Variants in WNT2B observed in about 807,000 individuals in gnomAD.
WNT2B encodes the protein protein Wnt-2b.
A neutral mutation model predicts 40.5 loss-of-function variants in WNT2B; 19 were observed. That is an observed-to-expected ratio of 0.47 (90% CI 0.33 to 0.69). The LOEUF (loss-of-function observed/expected upper bound fraction) is 0.69. WNT2B is among the 30% of genes least tolerant of loss of function. WNT2B has a pLI of 0.02. For missense variants in WNT2B, 467 were observed against 556.4 expected (o/e 0.84, Z 1.62); for synonymous variants, 220 against 211.9 (o/e 1.04, Z -0.33).
At chr1:112,474,404 T>C (rs1650994091) in intron 1 of WNT2B, among the ~76,000 whole-genome samples, 1 of 152,074 alleles carries the variant, frequency 6.6e-6, no homozygotes, top group Non-Finnish European at 1.5e-5. Context: ...TGCCTCCGCC[T>C]CCCAAAGGGC....
chr1:112,521,509 G>C lies in WNT2B; in HGVS notation c.*1000G>C, dbSNP rs1230765283. On this transcript the variant is annotated 3_prime_UTR_variant, in exon 5 of 5. Coordinates refer to ENST00000369684, the MANE Select transcript of WNT2B (RefSeq NM_024494.3). ...AGGCAGGTAGGGATCTCTGGCTTTG[G>C]TAATTCTTTATGAGAGGATCCTAGC... 6.6e-6 allele frequency: 1 copy of C among 152,214 alleles called. No individual in the cohort carries two copies. The highest frequency in any genetic ancestry group is 1.5e-5 in the Non-Finnish European group (1 of 68,024). The allele number at this position is 152,214 out of a possible 1,614,324, so 9.4% of individuals were successfully genotyped here.
chr1:112,511,384 C>T (rs1652344398), intron 1 of WNT2B, among the ~76,000 whole-genome samples: 1 of 152,116 alleles, frequency 6.6e-6, no homozygotes, highest in Non-Finnish European at 1.5e-5. Flanking sequence ...GCTACAGGCC[C>T]AGATGCCTGC....
At chr1:112,483,660 A>G (rs971790) in intron 1 of WNT2B, among the ~76,000 whole-genome samples, 66,008 of 151,414 alleles carry the variant, frequency 0.44, 16,052 homozygotes, top group South Asian at 0.61. Flanking sequence ...GCTTCTGCAC[A>G]GCAAAGGAAA....
At chr1:112,488,399 A>T (rs1487790341) in intron 1 of WNT2B, among the ~76,000 whole-genome samples, 2 of 150,586 alleles carry the variant, frequency 1.3e-5, no homozygotes, top group Non-Finnish European at 3.0e-5. Flanking sequence ...GAGTCACATG[A>T]CAGGCAGTCA....
At chr1:112,507,412 C>G (rs143808747), upstream of WNT2B, among the ~76,000 whole-genome samples, 1 of 152,178 alleles carries the variant, frequency 6.6e-6, no homozygotes, top group Non-Finnish European at 1.5e-5. Flanking sequence ...GCACTCATCA[C>G]CTTACCACAG....
chr1:112,481,288 T>TA (rs1651217269), intron 1 of WNT2B, among the ~76,000 whole-genome samples: 1 of 152,178 alleles, frequency 6.6e-6, no homozygotes, highest in African/African-American at 2.4e-5. Context: ...ATCAATGTGA[T>TA]ACAACATATT....
At chr1:112,513,415 C>T (rs528138442) in intron 1 of WNT2B, among the ~76,000 whole-genome samples, 1 of 152,200 alleles carries the variant, frequency 6.6e-6, no homozygotes. Context: ...ACCCCTTCCC[C>T]GGGACAGATG....
chr1:112,517,524 C>G, intron 4 of WNT2B, 139 bp downstream of exon 4: 1 of 1,137,006 alleles, frequency 8.8e-7, no homozygotes, highest in Non-Finnish European at 1.2e-6. Flanking sequence ...ACATGAACAC[C>G]TGGTCATGAG....
chr1:112,513,366 T>G (rs1238708255), intron 1 of WNT2B, among the ~76,000 whole-genome samples: 1 of 152,244 alleles, frequency 6.6e-6, no homozygotes, highest in East Asian at 1.9e-4. Flanking sequence ...CTGGGGATGC[T>G]GATTCCATGG....
Position 112,526,101 on chromosome 1 carries a change from A to G in WNT2B, c.*5592A>G. 1 of 1,614,186 alleles carries G rather than the reference A, an allele frequency of 6.2e-7. No individual in the cohort carries two copies. The highest frequency in any genetic ancestry group is 1.1e-5 in the South Asian group (1 of 91,084). ...GGATGCCCAGGGTTGGGGGCACCAGAGTCCCAGCACCTTCAAAACAGAAAT... is the reference window on the plus strand; with the variant it reads ...GGATGCCCAGGGTTGGGGGCACCAGGGTCCCAGCACCTTCAAAACAGAAAT... On this transcript the variant is annotated 3_prime_UTR_variant, in exon 5 of 5. Transcript: ENST00000369684.
chr1:112,472,026 A>G (rs1466138407), intron 1 of WNT2B, among the ~76,000 whole-genome samples: 1 of 152,258 alleles, frequency 6.6e-6, no homozygotes, highest in East Asian at 1.9e-4. Context: ...TGACTTCAAA[A>G]TAGAGTAACA....
chr1:112,500,153 T>G (rs534178525), intron 1 of WNT2B, among the ~76,000 whole-genome samples: 130 of 152,266 alleles, frequency 8.5e-4, no homozygotes, highest in African/African-American at 3.1e-3. Flanking sequence ...CTCCAAGAGG[T>G]TCATAGTAAT....
chr1:112,504,647 T>C (rs1457430214), upstream of WNT2B, among the ~76,000 whole-genome samples: 1 of 152,136 alleles, frequency 6.6e-6, no homozygotes, highest in Non-Finnish European at 1.5e-5. Flanking sequence ...GAGGCATTAG[T>C]TACCTGTGTG....
At position 112,517,203 on chromosome 1, in the gene WNT2B, T is replaced by C. The variant is rs1239591660; in HGVS notation, c.764T>C (p.Leu255Pro). The change falls in exon 4 of 5, where the codon CTC (leucine) becomes CCC (proline). Residue 255 changes from leucine to proline, a missense_variant. Leu to Pro is a moderately conservative substitution (Grantham distance 98). Coordinates refer to ENST00000369684, the MANE Select transcript of WNT2B (RefSeq NM_024494.3). ...ACTCTGCGCACCTGCTGGCGTGCAC[T>C]CTCAGATTTCCGCCGCACAGGTGAT... ...SCTLRTCWRA[L>P]SDFRRTGDYL... The C allele has an allele frequency of 6.2e-7, 1 of 1,614,174 alleles. No homozygotes were observed. Among genetic ancestry groups the C allele is most frequent in the South Asian group, 1.1e-5 (1 of 91,080 alleles).
intron 1 of WNT2B, among the ~76,000 whole-genome samples, chr1:112,468,288 A>G (rs1465368326): frequency 2.0e-5 from 3 of 152,160 alleles, no homozygotes; most frequent in Non-Finnish European, 4.4e-5. Context: ...TCCCTTTGAT[A>G]TACTATTTAT....
At chr1:112,476,835 C>T (rs1651068487) in intron 1 of WNT2B, among the ~76,000 whole-genome samples, 1 of 152,180 alleles carries the variant, frequency 6.6e-6, no homozygotes, top group African/African-American at 2.4e-5. Flanking sequence ...ATTACCAACT[C>T]ACCGTCTCAC....
chr1:112,475,343 A>G lies in WNT2B; in HGVS notation c.-95+7752A>G, dbSNP rs149619634. On this transcript the variant is annotated intron_variant, in intron 1 of 4. Transcript: ENST00000256640. ...AAAGGAAGTAGTTCAGGCAAAATAA[A>G]ACTAATAACAAATCTGCATCTATAC... is the stretch of plus-strand genomic sequence containing the variant. Among the ~76,000 whole-genome samples the G allele has an allele frequency of 7.0e-3, 1,072 of 152,340 alleles. 8 individuals are homozygous for G. Among genetic ancestry groups the G allele is most frequent in the African/African-American group, 0.024 (1,007 of 41,584 alleles).
At chr1:112,481,743 G>T (rs1239498144) in intron 1 of WNT2B, among the ~76,000 whole-genome samples, 1 of 152,186 alleles carries the variant, frequency 6.6e-6, no homozygotes, top group Admixed American at 6.6e-5. Flanking sequence ...AGGCGTGGTG[G>T]CTCATGCCCA....
upstream of WNT2B, among the ~76,000 whole-genome samples, chr1:112,504,013 G>A (rs1281180748): frequency 6.6e-6 from 1 of 152,136 alleles, no homozygotes; most frequent in Non-Finnish European, 1.5e-5. Flanking sequence ...TCATTCTAGG[G>A]CCCAGAACAG....
Sources: allele counts gnomAD v4.1 joint callset (sites outside exome capture counted in the v4.1 genomes callset), GRCh38; gene constraint gnomAD v4.1.1; transcripts MANE v1.5; gene names NCBI Gene and HGNC (gene_info 2026-07-23, HGNC 2026-07-21).